The following RAVER2 variants were observed in gnomAD, a reference collection of about 807,000 sequenced individuals.
RAVER2 encodes ribonucleoprotein PTB-binding 2.
In RAVER2, 46 loss-of-function variants were observed where a neutral mutation model predicts 78.1. The ratio of observed to expected loss-of-function variants is 0.59; its 90% CI spans 0.46 to 0.75. The LOEUF (loss-of-function observed/expected upper bound fraction) is 0.75, where lower values mean the gene tolerates loss of function less well. RAVER2 is among the 30% of genes least tolerant of loss of function. The probability of loss-of-function intolerance (pLI) is 0.00; values close to 1 mark genes in which losing one functional copy is unlikely to be tolerated. For missense variants in RAVER2, 793 were observed against 837.5 expected (o/e 0.95, Z 0.66); for synonymous variants, 311 against 313.3 (o/e 0.99, Z 0.08).
At chr1:64,768,834 C>A in intron 2 of RAVER2, 112 bp downstream of exon 2, 1 of 684,182 alleles carries the variant, frequency 1.5e-6, no homozygotes, top group Non-Finnish European at 2.5e-6. Flanking sequence ...AATTTTTAAG[C>A]CTTAAATCAT....
rs138952437 is a variant in RAVER2, at chr1:64,749,245, C to G, written c.249+3824C>G. ...TTGTTTTTTGAGACGGATTCTCACT[C>G]TGTCGCCCAGGCTGCAGTGCAGTGG... is the stretch of plus-strand genomic sequence containing the variant. On this transcript the variant is annotated intron_variant, in intron 1 of 11. Coordinates refer to ENST00000294428, the Ensembl canonical transcript of RAVER2. Among the ~76,000 whole-genome samples, 367 of 152,310 alleles carry G rather than the reference C, an allele frequency of 2.4e-3. 4 individuals are homozygous for G. The highest frequency in any genetic ancestry group is 8.4e-3 in the African/African-American group (350 of 41,568).
At chr1:64,786,410 G>C (rs765365358) in intron 4 of RAVER2, among the ~76,000 whole-genome samples, 3 of 152,178 alleles carry the variant, frequency 2.0e-5, no homozygotes, top group Non-Finnish European at 4.4e-5. Flanking sequence ...AATATTACAA[G>C]TGTTGATGCT....
intron 5 of RAVER2, among the ~76,000 whole-genome samples, chr1:64,800,864 T>G (rs1047046820): frequency 2.0e-5 from 3 of 152,174 alleles, no homozygotes; most frequent in African/African-American, 7.2e-5. Context: ...GATATCATTC[T>G]ACTCCTGAAA....
intron 5 of RAVER2, among the ~76,000 whole-genome samples, chr1:64,796,353 A>G (rs1399929685): frequency 1.3e-5 from 2 of 151,878 alleles, no homozygotes; most frequent in Non-Finnish European, 1.5e-5. Flanking sequence ...CAGTGCTATT[A>G]TTTCTTCTTC....
At chr1:64,796,088 A>G (rs565731412) in intron 5 of RAVER2, among the ~76,000 whole-genome samples, 7 of 152,104 alleles carry the variant, frequency 4.6e-5, no homozygotes, top group Admixed American at 2.6e-4. Flanking sequence ...CATTACATTG[A>G]TGATTTTTGA....
chr1:64,798,731 G>A (rs1347517802), intron 5 of RAVER2, among the ~76,000 whole-genome samples: 2 of 151,778 alleles, frequency 1.3e-5, no homozygotes, highest in African/African-American at 4.8e-5. Flanking sequence ...TCTATTTTTT[G>A]TACTTCAACT....
intron 4 of RAVER2, among the ~76,000 whole-genome samples, 164 bp from the exon 5 acceptor site, chr1:64,789,224 G>A (rs1652868276): frequency 6.6e-6 from 1 of 152,128 alleles, no homozygotes; most frequent in Admixed American, 6.5e-5. Context: ...GTATAATTGA[G>A]AACTGCAGTA....
At chr1:64,806,227 A>G (rs1296028552) in intron 8 of RAVER2, among the ~76,000 whole-genome samples, 1 of 152,178 alleles carries the variant, frequency 6.6e-6, no homozygotes, top group Admixed American at 6.6e-5. Context: ...CCTGGGCAAC[A>G]TGACAAAACC....
rs1443284381 is a variant in RAVER2 at position 64,745,388 on chromosome 1, G to A, written c.216G>A (p.Leu72=). Residue 72 remains leucine, a synonymous_variant, in exon 1 of 12, where the codon CTG becomes CTA. Coordinates refer to ENST00000294428, the Ensembl canonical transcript of RAVER2. The surrounding 1 kb of genome is among the most constrained non-coding windows in gnomAD (Gnocchi z 4.3). The stretch of plus-strand genomic sequence containing the variant: ...AGCTGAGCAACCGCAGGAAAATCCT[G>A]GTGAAAAACCTGCCCCAGGACAGCA... 1 of 1,541,554 alleles carries A rather than the reference G, an allele frequency of 6.5e-7. No homozygotes were observed. Among genetic ancestry groups the A allele is most frequent in the Non-Finnish European group, 8.8e-7 (1 of 1,142,110 alleles).
intron 4 of RAVER2, among the ~76,000 whole-genome samples, chr1:64,782,849 T>A (rs552867220): frequency 6.6e-6 from 1 of 152,284 alleles, no homozygotes; most frequent in South Asian, 2.1e-4. Context: ...GTCATTACAC[T>A]GGGCATTTCT....
At chr1:64,822,584 G>T (rs1255926582) in intron 11 of RAVER2, among the ~76,000 whole-genome samples, 1 of 152,150 alleles carries the variant, frequency 6.6e-6, no homozygotes, top group African/African-American at 2.4e-5. Context: ...CAGTGCTGGG[G>T]GTTGGTGGGA....
chr1:64,814,790 G>C, exon 11 of RAVER2: 1 of 1,587,986 alleles, frequency 6.3e-7, no homozygotes, highest in Non-Finnish European at 8.6e-7. Flanking sequence ...ATCACAACAC[G>C]CATTGGAAAA....
chr1:64,769,910 A>G (rs1451619477), intron 2 of RAVER2, among the ~76,000 whole-genome samples: 1 of 152,072 alleles, frequency 6.6e-6, no homozygotes, highest in African/African-American at 2.4e-5. Context: ...TAAACTTTTC[A>G]TAAATGGCAT....
chr1:64,788,384 A>G (rs577012562), intron 4 of RAVER2, among the ~76,000 whole-genome samples: 1 of 152,068 alleles, frequency 6.6e-6, no homozygotes, highest in South Asian at 2.1e-4. Context: ...AGGCAGGAGA[A>G]TGGCGTGAAC....
intron 1 of RAVER2, among the ~76,000 whole-genome samples, chr1:64,763,153 C>T (rs772472349): frequency 4.6e-5 from 7 of 152,096 alleles, no homozygotes; most frequent in Middle Eastern, 3.4e-3. Flanking sequence ...ACTAAATATA[C>T]GGGTGAGGTG....
Position 64,807,399 on chromosome 1 carries a change from T to TGCTGCTGGAA in RAVER2, c.1609_1618dup (p.Leu540CysfsTer10). ...CTTATCTTCAGAGCTTTCCAAACCT[T>TGCTGCTGGAA]GCTGCTGGAAGCTTGCTGGTGGGAC... is the stretch of plus-strand genomic sequence containing the variant. On this transcript the variant is annotated frameshift_variant, in exon 9 of 12. Coordinates refer to ENST00000294428, the Ensembl canonical transcript of RAVER2. LOFTEE classifies it high-confidence loss of function. 1 of 1,614,118 alleles carries TGCTGCTGGAA rather than the reference T, an allele frequency of 6.2e-7. No homozygotes were observed. The highest frequency in any genetic ancestry group is 8.5e-7 in the Non-Finnish European group (1 of 1,180,026).
intron 5 of RAVER2, among the ~76,000 whole-genome samples, chr1:64,795,701 G>A (rs908590892): frequency 6.6e-6 from 1 of 151,870 alleles, no homozygotes; most frequent in Admixed American, 6.6e-5. Context: ...TTTCTAGTAG[G>A]TTTTTGCTGG....
chr1:64,745,508 G>A lies in RAVER2; in HGVS notation c.249+87G>A. The A allele has an allele frequency of 7.1e-7, 1 of 1,412,910 alleles. No homozygotes were observed. The allele number at this position is 1,412,910 out of a possible 1,614,324, so 87.5% of individuals were successfully genotyped here. On this transcript the variant is annotated intron_variant, in intron 1 of 11. Transcript: ENST00000294428. The surrounding 1 kb of genome is among the most constrained non-coding windows in gnomAD (Gnocchi z 4.3). ...AGGCTGGGATCGGGGGCGCCTCAGA[G>A]CGGTCCTGGGGAGTGGGTCGGCGCC...
At position 64,768,645 on chromosome 1, in the gene RAVER2, TTC is replaced by T; in HGVS notation, c.250-7_250-6del. 2 of 1,529,552 alleles carry T rather than the reference TTC, an allele frequency of 1.3e-6. No individual in the cohort carries two copies. The highest frequency in any genetic ancestry group is 1.8e-6 in the Non-Finnish European group (2 of 1,106,632). The allele number at this position is 1,529,552 out of a possible 1,614,324, so 94.7% of individuals were successfully genotyped here. A position where few individuals can be genotyped will look rare whatever the true frequency, so the allele number is the denominator to read the frequency against. ...GTATGTTTACTGAATTCGTGTTTTT[TTC>T]TCTTTCAGGAAGTTCATGATTTGTT... On this transcript the variant is annotated splice_polypyrimidine_tract_variant and intron_variant, in intron 1 of 11. Transcript: ENST00000294428.
Sources: gnomAD v4.1 joint callset for allele counts (sites outside exome capture counted in the v4.1 genomes callset) on GRCh38, gnomAD v4.1.1 for gene constraint, Gnocchi (gnomAD v3.1) non-coding constraint, MANE v1.5 for transcripts, NCBI Gene and HGNC (gene_info 2026-07-23, HGNC 2026-07-21) for gene names.